The following HIBADH variants were observed in gnomAD, a reference collection of about 807,000 sequenced individuals.
The protein encoded by HIBADH is 3-hydroxyisobutyrate dehydrogenase, mitochondrial.
A neutral mutation model predicts 36.1 loss-of-function variants in HIBADH; 25 were observed. The ratio of observed to expected loss-of-function variants is 0.69; its 90% CI spans 0.50 to 0.97. The LOEUF (loss-of-function observed/expected upper bound fraction) is 0.97, where lower values mean the gene tolerates loss of function less well. HIBADH is among the 50% of genes least tolerant of loss of function. The pLI is 0.00. For synonymous variants in HIBADH, 160 were observed against 149.5 expected, an observed-to-expected ratio of 1.07 and a Z score of -0.51; for missense variants, 421 against 418.0, an observed-to-expected ratio of 1.01 and a Z score of -0.06.
At chr7:27,598,706 T>G (rs148346029) in intron 4 of HIBADH, among the ~76,000 whole-genome samples, 1 of 152,070 alleles carries the variant, frequency 6.6e-6, no homozygotes, top group Non-Finnish European at 1.5e-5. Flanking sequence ...CTCCAAACAC[T>G]TTCCCAAAAA....
intron 4 of HIBADH, among the ~76,000 whole-genome samples, chr7:27,611,914 T>C (rs183318730): frequency 2.0e-5 from 3 of 152,332 alleles, no homozygotes; most frequent in African/African-American, 7.2e-5. Context: ...TGCTTAAATA[T>C]CACTTCCCCA....
intron 4 of HIBADH, among the ~76,000 whole-genome samples, chr7:27,562,675 C>G (rs1376521241): frequency 7.2e-5 from 11 of 152,142 alleles, no homozygotes; most frequent in Non-Finnish European, 1.6e-4. Flanking sequence ...CCAGGGTGGT[C>G]TCAAACTTCC....
intron 4 of HIBADH, among the ~76,000 whole-genome samples, chr7:27,589,851 C>G (rs1433870768): frequency 6.6e-6 from 1 of 152,072 alleles, no homozygotes; most frequent in Non-Finnish European, 1.5e-5. Flanking sequence ...TAGTAAGTGA[C>G]CTACATTGGA....
chr7:27,576,024 G>A (rs975844497), intron 4 of HIBADH, among the ~76,000 whole-genome samples: 6 of 152,168 alleles, frequency 3.9e-5, no homozygotes. Flanking sequence ...ATCAAGGCTG[G>A]AAAGCTTGAG....
intron 4 of HIBADH, among the ~76,000 whole-genome samples, chr7:27,585,071 G>T (rs1481666188): frequency 6.6e-6 from 1 of 151,784 alleles, no homozygotes; most frequent in Non-Finnish European, 1.5e-5. Context: ...ATATATATTT[G>T]TAAAAATATA....
chr7:27,568,414 AT>A (rs910404945), intron 4 of HIBADH, among the ~76,000 whole-genome samples: 8 of 150,350 alleles, frequency 5.3e-5, no homozygotes, highest in South Asian at 2.1e-4. Context: ...GTAATGCATC[AT>A]TTTTTTTTCT....
intron 2 of HIBADH, among the ~76,000 whole-genome samples, chr7:27,638,368 T>C (rs1436161218): frequency 7.3e-6 from 1 of 136,834 alleles, no homozygotes; most frequent in African/African-American, 2.7e-5. Flanking sequence ...CAATAAATGG[T>C]GCTGGAATAA....
chr7:27,618,306 G>A (rs1785469983), intron 4 of HIBADH, among the ~76,000 whole-genome samples: 12 of 152,284 alleles, frequency 7.9e-5, no homozygotes, highest in Admixed American at 6.5e-4. Flanking sequence ...TGCAAAGGCA[G>A]GGCCCATACA....
chr7:27,641,526 C>T (rs1462051317), intron 2 of HIBADH, among the ~76,000 whole-genome samples: 1 of 152,168 alleles, frequency 6.6e-6, no homozygotes, highest in Admixed American at 6.5e-5. Context: ...ACATACTTTT[C>T]CATCTCATCC....
chr7:27,581,522 C>T lies in HIBADH; in HGVS notation c.485-38422G>A, dbSNP rs1357513370. Among the ~76,000 whole-genome samples, 7 of 152,140 alleles carry T rather than the reference C, an allele frequency of 4.6e-5. No homozygotes were observed. In the East Asian group the frequency reaches 1.2e-3, roughly 25 times the overall value. On this transcript the variant is annotated intron_variant, in intron 4 of 7. Coordinates refer to ENST00000265395, the MANE Select transcript of HIBADH (RefSeq NM_152740.4). ...CTTTAGAATTATTCAATTCCTTTTA[C>T]GGAAGGATGGAAGGTAGATTTCCTT... is the stretch of plus-strand genomic sequence containing the variant.
intron 4 of HIBADH, among the ~76,000 whole-genome samples, chr7:27,554,274 C>T (rs1397553365): frequency 1.3e-5 from 2 of 152,238 alleles, no homozygotes. Context: ...GCGCGAGCCA[C>T]CGCGCCCAGC....
chr7:27,649,390 C>T (rs1484569817), intron 2 of HIBADH, 83 bp downstream of exon 2: 3 of 1,106,956 alleles, frequency 2.7e-6, no homozygotes, highest in Non-Finnish European at 3.8e-6. Flanking sequence ...ATTGGGTATA[C>T]TTCTAAGAAG....
At chr7:27,578,797 G>C (rs1784751133) in intron 4 of HIBADH, among the ~76,000 whole-genome samples, 1 of 152,068 alleles carries the variant, frequency 6.6e-6, no homozygotes, top group Admixed American at 6.6e-5. Context: ...GAGAGGTTAG[G>C]ACTCTAAGAA....
At chr7:27,565,152 G>T (rs367817703) in intron 4 of HIBADH, among the ~76,000 whole-genome samples, 82 of 152,244 alleles carry the variant, frequency 5.4e-4, no homozygotes, top group African/African-American at 1.9e-3. Flanking sequence ...CCAGGGCCAA[G>T]TACCAGACAC....
intron 1 of HIBADH, among the ~76,000 whole-genome samples, chr7:27,655,755 C>CT (rs58223693): frequency 3.3e-5 from 5 of 151,388 alleles, no homozygotes; most frequent in Non-Finnish European, 5.9e-5. Context: ...AATTACCCCC[C>CT]AGAAAACCTC....
At chr7:27,662,211 G>A (rs1277442058) in intron 1 of HIBADH, among the ~76,000 whole-genome samples, 1 of 152,182 alleles carries the variant, frequency 6.6e-6, no homozygotes, top group Non-Finnish European at 1.5e-5. Flanking sequence ...GCCACCGCTT[G>A]TGTAATAAGG....
intron 2 of HIBADH, among the ~76,000 whole-genome samples, chr7:27,645,730 C>T (rs1173104197): frequency 2.0e-5 from 3 of 152,078 alleles, no homozygotes; most frequent in African/African-American, 7.2e-5. Context: ...CATCTTTTCA[C>T]ATGTTTACTG....
At chr7:27,619,615 T>C (rs1419619793) in intron 4 of HIBADH, among the ~76,000 whole-genome samples, 1 of 152,092 alleles carries the variant, frequency 6.6e-6, no homozygotes, top group Non-Finnish European at 1.5e-5. Flanking sequence ...GAGATAGATA[T>C]CTTTAAGAAG....
intron 2 of HIBADH, among the ~76,000 whole-genome samples, chr7:27,638,173 ACT>A: frequency 6.6e-6 from 1 of 152,106 alleles, no homozygotes; most frequent in East Asian, 1.9e-4. Context: ...CCAACTTCAA[ACT>A]CAAACTTTTC....
Sources: allele counts gnomAD v4.1 joint callset (sites outside exome capture counted in the v4.1 genomes callset), GRCh38; gene constraint gnomAD v4.1.1; transcripts MANE v1.5; gene names NCBI Gene and HGNC (gene_info 2026-07-23, HGNC 2026-07-21).